The following KCNH8 variants were observed in gnomAD, a reference collection of about 807,000 sequenced individuals.
The protein encoded by KCNH8 is voltage-gated delayed rectifier potassium channel KCNH8.
A neutral mutation model predicts 103.6 loss-of-function variants in KCNH8; 70 were observed. The observed-to-expected ratio is 0.68, with a 90% confidence interval of 0.56 to 0.82. The LOEUF (loss-of-function observed/expected upper bound fraction) is 0.82. Among genes scored for constraint, KCNH8 ranks in the 40% least tolerant of loss-of-function variants. KCNH8 has a pLI of 0.00. For synonymous variants in KCNH8, 498 were observed against 489.4 expected (o/e 1.02, Z -0.23); for missense variants, 1,217 against 1,329.9 (o/e 0.92, Z 1.32).
At chr3:19,514,709 C>T (rs2068844063) in intron 13 of KCNH8, among the ~76,000 whole-genome samples, 2 of 151,210 alleles carry the variant, frequency 1.3e-5, no homozygotes, top group African/African-American at 4.9e-5. Flanking sequence ...TTAACTCTGA[C>T]ATTTAGAGTT....
intron 5 of KCNH8, among the ~76,000 whole-genome samples, chr3:19,375,463 C>T (rs1468001446): frequency 2.0e-5 from 3 of 151,090 alleles, no homozygotes; most frequent in African/African-American, 7.3e-5. Context: ...CCATCAGCTC[C>T]TTTAAGCACT....
intron 7 of KCNH8, among the ~76,000 whole-genome samples, chr3:19,420,818 C>T (rs2125156467): frequency 6.6e-6 from 1 of 152,224 alleles, no homozygotes; most frequent in Admixed American, 6.5e-5. Context: ...GTTAGAGATA[C>T]TTAAATGAAA....
intron 1 of KCNH8, among the ~76,000 whole-genome samples, chr3:19,176,224 T>G (rs945808507): frequency 6.6e-6 from 1 of 152,176 alleles, no homozygotes; most frequent in African/African-American, 2.4e-5. Context: ...ACCTGAATAA[T>G]TACCTTGTTC....
chr3:19,494,289 G>A (rs1275826155), intron 11 of KCNH8, among the ~76,000 whole-genome samples: 1 of 152,160 alleles, frequency 6.6e-6, no homozygotes, highest in Non-Finnish European at 1.5e-5. Context: ...CCCATGTGTT[G>A]GTGGGAGGGA....
Position 19,303,915 on chromosome 3 carries a change from G to T in KCNH8, c.442+22586G>T, listed in dbSNP as rs78228612. Among the ~76,000 whole-genome samples, 36 of 152,224 alleles carry T rather than the reference G, an allele frequency of 2.4e-4. No individual in the cohort carries two copies. In the South Asian group the frequency reaches 7.3e-3, roughly 31 times the overall value. On this transcript the variant is annotated intron_variant, in intron 3 of 15. Coordinates refer to ENST00000328405, the MANE Select transcript of KCNH8 (RefSeq NM_144633.3). ...GGGAAATAGACCCTTGATTTTGAGG[G>T]TGGATACAGGGGGACCACAGACTAT...
chr3:19,403,086 T>C lies in KCNH8; in HGVS notation c.1177+7775T>C, dbSNP rs141356885. Among the ~76,000 whole-genome samples the C allele has an allele frequency of 2.9e-3, 440 of 151,886 alleles. 1 individual carries two copies. The highest frequency in any genetic ancestry group is 0.01 in the African/African-American group (417 of 41,546). ...ACTGTTTTGGTTTTCTCTCAAAAGA[T>C]CTTATAATACCTGACAATTATTAAT... On this transcript the variant is annotated intron_variant, in intron 7 of 15. Transcript: ENST00000328405.
intron 5 of KCNH8, among the ~76,000 whole-genome samples, chr3:19,381,418 T>C (rs1452344023): frequency 1.3e-5 from 2 of 152,100 alleles, no homozygotes; most frequent in Non-Finnish European, 2.9e-5. Context: ...ATTATAAAAG[T>C]TAAAAAATAA....
chr3:19,312,812 G>A (rs1196438574), intron 3 of KCNH8, among the ~76,000 whole-genome samples: 1 of 151,880 alleles, frequency 6.6e-6, no homozygotes, highest in African/African-American at 2.4e-5. Flanking sequence ...TGGGTTAGAT[G>A]TTCTACAAGA....
chr3:19,375,588 A>C (rs1324936586), intron 5 of KCNH8, among the ~76,000 whole-genome samples: 2 of 151,700 alleles, frequency 1.3e-5, no homozygotes, highest in Non-Finnish European at 2.9e-5. Context: ...GATCGTCTGA[A>C]GCCTTCTTCT....
At chr3:19,166,134 C>A (rs2063281088) in intron 1 of KCNH8, among the ~76,000 whole-genome samples, 1 of 152,002 alleles carries the variant, frequency 6.6e-6, no homozygotes, top group Non-Finnish European at 1.5e-5. Context: ...TCATATTTGC[C>A]TTATTATTGT....
chr3:19,209,088 A>G (rs1213732343), intron 1 of KCNH8, among the ~76,000 whole-genome samples: 4 of 151,994 alleles, frequency 2.6e-5, no homozygotes, highest in Admixed American at 6.6e-5. Flanking sequence ...ATATATTCAT[A>G]TTATAATATT....
intron 8 of KCNH8, among the ~76,000 whole-genome samples, chr3:19,442,509 G>A (rs898793419): frequency 4.6e-5 from 7 of 152,096 alleles, no homozygotes; most frequent in African/African-American, 1.2e-4. Flanking sequence ...AGGTAGGTGC[G>A]ACACTGATCA....
intron 3 of KCNH8, among the ~76,000 whole-genome samples, chr3:19,292,516 T>C (rs1292090472): frequency 1.3e-5 from 2 of 152,170 alleles, no homozygotes. Flanking sequence ...TTCTAAACAA[T>C]TATATGTGCA....
chr3:19,507,320 G>A (rs770703784), intron 11 of KCNH8, among the ~76,000 whole-genome samples: 3 of 152,100 alleles, frequency 2.0e-5, no homozygotes, highest in Admixed American at 1.3e-4. Context: ...CCCCCACCAG[G>A]GAACCTCAGA....
At chr3:19,357,485 A>C (rs1575553510) in intron 5 of KCNH8, among the ~76,000 whole-genome samples, 1 of 80,128 alleles carries the variant, frequency 1.2e-5, no homozygotes, top group Non-Finnish European at 2.3e-5. Context: ...CTAAAAATAC[A>C]AAAAAAAAAT....
In KCNH8 at chr3:19,513,051, G is replaced by A. The variant is rs775474370; in HGVS notation, c.2161G>A (p.Glu721Lys). The A allele has an allele frequency of 1.9e-6, 3 of 1,613,524 alleles. No homozygotes were observed. The highest frequency in any genetic ancestry group is 2.2e-5 in the South Asian group (2 of 91,078). Reference sequence around the variant, plus strand: ...TGAGGAAGAGGAGGAGGAGGGGGAGGAAGAGGAGGCAGTCTCCCTCTCTCC... The same window carrying A: ...TGAGGAAGAGGAGGAGGAGGGGGAGAAAGAGGAGGCAGTCTCCCTCTCTCC... ...EDEEEEEEGE[E>K]EEAVSLSPIC... Residue 721 changes from glutamate to lysine, a missense_variant, in exon 13 of 16, where the codon GAA becomes AAA. Around this residue, in one of 3 missense-constraint regions of KCNH8, gnomAD observed 558 missense variants for 495.8 expected, o/e 1.13. Transcript: ENST00000328405.
chr3:19,511,821 C>A (rs1181979586), intron 12 of KCNH8, among the ~76,000 whole-genome samples: 1 of 152,130 alleles, frequency 6.6e-6, no homozygotes, highest in Non-Finnish European at 1.5e-5. Context: ...CTATGCATTT[C>A]ACTCAGCACC....
At chr3:19,344,253 AT>A (rs1264322304) in intron 4 of KCNH8, among the ~76,000 whole-genome samples, 1 of 152,040 alleles carries the variant, frequency 6.6e-6, no homozygotes, top group Non-Finnish European at 1.5e-5. Context: ...CTAAACAAAT[AT>A]TATCCACAGA....
rs577837695 is a variant in KCNH8 at position 19,165,122 on chromosome 3, T to C, written c.76+16327T>C. ...TACATCTGTTAAAGTTATCAAATTGTACACTCTGTGCAGTTTATTGTACAT... is the reference window on the plus strand; with the variant it reads ...TACATCTGTTAAAGTTATCAAATTGCACACTCTGTGCAGTTTATTGTACAT... On this transcript the variant is annotated intron_variant, in intron 1 of 15. Transcript: ENST00000328405. Among the ~76,000 whole-genome samples, 89 of 152,300 alleles carry C rather than the reference T, an allele frequency of 5.8e-4. No homozygotes were observed. The South Asian group carries it at 9.1e-3, about 16-fold the overall frequency.
Sources: gnomAD v4.1 joint callset for allele counts (sites outside exome capture counted in the v4.1 genomes callset) on GRCh38, gnomAD v4.1.1 for gene constraint, gnomAD v4.1.1 regional missense constraint, MANE v1.5 for transcripts, NCBI Gene and HGNC (gene_info 2026-07-23, HGNC 2026-07-21) for gene names.